REV3L: variants seen among roughly 807,000 people sequenced by gnomAD.
REV3L encodes DNA polymerase zeta catalytic subunit.
In REV3L, 69 loss-of-function variants were observed where a neutral mutation model predicts 299.4. That is an observed-to-expected ratio of 0.23 (90% confidence interval 0.19 to 0.28). REV3L has a LOEUF of 0.28. REV3L is among the 10% of genes least tolerant of loss of function. REV3L has a pLI of 1.00. For missense variants in REV3L, 3,128 were observed against 3,693.8 expected (o/e 0.85, Z 3.97); for synonymous variants, 1,238 against 1,271.4 (o/e 0.97, Z 0.56).
chr6:111,347,423 A>C (rs759156951), intron 20 of REV3L, among the ~76,000 whole-genome samples: 3 of 152,064 alleles, frequency 2.0e-5, no homozygotes, highest in Non-Finnish European at 4.4e-5. Context: ...TTTAAGAACA[A>C]CACAACAAGA....
intron 12 of REV3L, among the ~76,000 whole-genome samples, chr6:111,377,431 G>A (rs1780425382): frequency 6.6e-6 from 1 of 151,994 alleles, no homozygotes; most frequent in African/African-American, 2.4e-5. Flanking sequence ...CAAACCCTTG[G>A]GCTCAAGTAA....
Position 111,372,785 on chromosome 6 carries a change from C to T in REV3L, c.5570G>A (p.Arg1857Lys). The change falls in exon 13 of 32, where the codon AGA (arginine) becomes AAA (lysine). Residue 1857 changes from arginine (R) to lysine (K), a missense_variant. Arg to Lys is a conservative substitution (Grantham distance 26). Transcript: ENST00000368802. The part of the protein sequence containing the change: ...MLTPTPDSSP[R>K]STSSPSQSKN... ...AGATTGTGAAGGAGAGCTAGTAGAT[C>T]TTGGTGAACTATCAGGAGTTGGTGT... 1.2e-6 allele frequency: 2 copies of T among 1,612,704 alleles called. No individual in the cohort carries two copies. The highest frequency in any genetic ancestry group is 1.7e-6 in the Non-Finnish European group (2 of 1,179,370).
intron 1 of REV3L, among the ~76,000 whole-genome samples, chr6:111,449,821 A>T (rs557528284): frequency 6.6e-6 from 1 of 152,328 alleles, no homozygotes; most frequent in South Asian, 2.1e-4. Flanking sequence ...AGTGAAAAAA[A>T]CTAGGCATGT....
At position 111,400,765 on chromosome 6, in the gene REV3L, T is replaced by C. The variant is rs1021324558; in HGVS notation, c.565+4705A>G. Among the ~76,000 whole-genome samples the C allele has an allele frequency of 9.2e-5, 14 of 152,312 alleles. No homozygotes were observed. In the East Asian group the frequency reaches 2.7e-3, roughly 29 times the overall value. ...CATGGATCATGCTTTTGGTGTCATA[T>C]CTAAAACTTCATTGCCAAACCCAAG... On this transcript the variant is annotated intron_variant, in intron 4 of 31. Coordinates refer to ENST00000368802, the MANE Select transcript of REV3L (RefSeq NM_001372078.1).
chr6:111,327,790 AT>A (rs1256941226), intron 25 of REV3L, among the ~76,000 whole-genome samples: 1 of 152,192 alleles, frequency 6.6e-6, no homozygotes, highest in African/African-American at 2.4e-5. Flanking sequence ...GCACAAAATC[AT>A]ATTACTGTAC....
intron 1 of REV3L, among the ~76,000 whole-genome samples, chr6:111,452,685 G>C (rs1789692112): frequency 6.6e-6 from 1 of 152,144 alleles, no homozygotes; most frequent in Non-Finnish European, 1.5e-5. Flanking sequence ...GAACTTTTTA[G>C]GGTGATAGAA....
chr6:111,418,914 C>T (rs1159190458), intron 1 of REV3L, among the ~76,000 whole-genome samples: 1 of 152,150 alleles, frequency 6.6e-6, no homozygotes, highest in African/African-American at 2.4e-5. Context: ...CACAACAAAA[C>T]AGAATAACTG....
At chr6:111,427,269 C>G (rs867191801) in intron 1 of REV3L, among the ~76,000 whole-genome samples, 1 of 151,994 alleles carries the variant, frequency 6.6e-6, no homozygotes, top group Admixed American at 6.6e-5. Context: ...GGACCTTAAG[C>G]TTTTACCTGT....
chr6:111,307,804 T>TTTA (rs1271605454), intron 30 of REV3L: 4 of 493,684 alleles, frequency 8.1e-6, no homozygotes, highest in South Asian at 2.7e-5. Flanking sequence ...ACATTTTTTT[T>TTTA]TTATTATTAT....
rs765370245 is a variant in REV3L, at chr6:111,359,029, A to T, written c.6880-15T>A. The T allele has an allele frequency of 6.3e-7, 1 of 1,589,392 alleles. No individual in the cohort carries two copies. The highest frequency in any genetic ancestry group is 8.6e-7 in the Non-Finnish European group (1 of 1,164,296). Reference sequence around the variant, plus strand: ...AGATTTTGTATCTATAAAAGCAAATAAATACTATGTTTTTAAAACATTTTT... The same window carrying T: ...AGATTTTGTATCTATAAAAGCAAATTAATACTATGTTTTTAAAACATTTTT... On this transcript the variant is annotated splice_polypyrimidine_tract_variant and intron_variant, in intron 16 of 31. Transcript: ENST00000368802.
intron 1 of REV3L, among the ~76,000 whole-genome samples, chr6:111,449,341 CA>C (rs1013151340): frequency 2.0e-5 from 3 of 152,082 alleles, no homozygotes; most frequent in Non-Finnish European, 4.4e-5. Context: ...GTTGAGGAAA[CA>C]AAGTTGAAGG....
chr6:111,404,990 C>G (rs1265959333), intron 4 of REV3L, among the ~76,000 whole-genome samples: 1 of 152,048 alleles, frequency 6.6e-6, no homozygotes, highest in Non-Finnish European at 1.5e-5. Flanking sequence ...TACAGCTATT[C>G]ACACCATCAG....
chr6:111,347,305 A>G (rs906540765), intron 20 of REV3L, among the ~76,000 whole-genome samples: 2 of 151,148 alleles, frequency 1.3e-5, no homozygotes, highest in Non-Finnish European at 2.9e-5. Flanking sequence ...TATATATATA[A>G]TGAAATATAC....
intron 4 of REV3L, among the ~76,000 whole-genome samples, chr6:111,403,308 T>C (rs1361907797): frequency 2.0e-5 from 3 of 152,212 alleles, no homozygotes; most frequent in Admixed American, 2.0e-4. Flanking sequence ...TCTGAATTTG[T>C]GGTGATGGTT....
At chr6:111,393,663 T>C (rs968536184) in intron 4 of REV3L, among the ~76,000 whole-genome samples, 3 of 152,282 alleles carry the variant, frequency 2.0e-5, no homozygotes, top group Middle Eastern at 6.8e-3. Context: ...ACCCTTCCCA[T>C]ACACCCTTCC....
chr6:111,366,764 GAA>G (rs752922591), intron 14 of REV3L, among the ~76,000 whole-genome samples: 2 of 152,128 alleles, frequency 1.3e-5, no homozygotes, highest in Admixed American at 6.6e-5. Context: ...AAGGGGAGGA[GAA>G]AGAGTAGAAG....
At chr6:111,478,644 A>G (rs532480971) in intron 1 of REV3L, among the ~76,000 whole-genome samples, 1 of 147,784 alleles carries the variant, frequency 6.8e-6, no homozygotes, top group Non-Finnish European at 1.5e-5. Flanking sequence ...AAAAAAAAAA[A>G]GGTTATTCTG....
chr6:111,351,644 T>C, intron 19 of REV3L, 32 bp downstream of exon 19: 1 of 1,518,454 alleles, frequency 6.6e-7, no homozygotes, highest in Non-Finnish European at 9.1e-7. Flanking sequence ...TGCTCTGTAG[T>C]TGAATGACAA....
Position 111,482,609 on chromosome 6 carries a change from G to A in REV3L, c.139+141C>T, listed in dbSNP as rs1416171534. The A allele has an allele frequency of 1.7e-5, 6 of 355,010 alleles. No individual in the cohort carries two copies. In the East Asian group the frequency reaches 5.1e-4, roughly 30 times the overall value. 22.0% of individuals were successfully genotyped at this position (355,010 alleles called of 1,614,324 possible). ...TGTCACGCACGAGAGAAAAGGCGAG[G>A]AGGGCGGAGGGGAGGGAAGACGCGG... is the stretch of plus-strand genomic sequence containing the variant. On this transcript the variant is annotated intron_variant, in intron 1 of 31. Coordinates refer to ENST00000368802, the MANE Select transcript of REV3L (RefSeq NM_001372078.1).
Sources: gnomAD v4.1 joint callset for allele counts (sites outside exome capture counted in the v4.1 genomes callset) on GRCh38, gnomAD v4.1.1 for gene constraint, MANE v1.5 for transcripts, NCBI Gene and HGNC (gene_info 2026-07-23, HGNC 2026-07-21) for gene names.